Variants in CDH12 observed in about 807,000 individuals in gnomAD.
CDH12 encodes the protein cadherin-12.
Under a neutral mutation model 74.1 loss-of-function variants are expected in CDH12, and 41 were observed. The ratio of observed to expected loss-of-function variants is 0.55; its 90% CI spans 0.43 to 0.72. CDH12 has a LOEUF of 0.72. Among genes scored for constraint, CDH12 ranks in the 30% least tolerant of loss-of-function variants. The pLI, the probability that CDH12 is intolerant of heterozygous loss-of-function variation, is 0.00. For missense variants in CDH12, 945 were observed against 977.2 expected, an observed-to-expected ratio of 0.97 and a Z score of 0.44; for synonymous variants, 399 against 355.0, an observed-to-expected ratio of 1.12 and a Z score of -1.39.
At chr5:22,835,043 T>C (rs1736764833) in intron 1 of CDH12, among the ~76,000 whole-genome samples, 1 of 152,170 alleles carries the variant, frequency 6.6e-6, no homozygotes, top group Non-Finnish European at 1.5e-5. Flanking sequence ...TCTAATCTTG[T>C]AATAAATTTG....
chr5:21,938,083 A>G (rs1424637893), intron 6 of CDH12, among the ~76,000 whole-genome samples: 2 of 152,178 alleles, frequency 1.3e-5, no homozygotes, highest in East Asian at 3.9e-4. Context: ...CATGGAGGAA[A>G]AAAAGGATGG....
chr5:22,767,737 C>A lies in CDH12; in HGVS notation c.-523+85321G>T, dbSNP rs569458142. On this transcript the variant is annotated intron_variant, in intron 1 of 14. Coordinates refer to ENST00000382254, the MANE Select transcript of CDH12 (RefSeq NM_004061.5). ...TTAAACAAAATTATACCTACGAGTT[C>A]TTTCAAAATATATTGTTTAAAAGCA... Among the ~76,000 whole-genome samples, 50 of 151,968 alleles carry A rather than the reference C, an allele frequency of 3.3e-4. 1 individual carries two copies. Among genetic ancestry groups the A allele is most frequent in the African/African-American group, 1.2e-3 (49 of 41,526 alleles).
rs1303228097 is a variant in CDH12 at position 22,258,548 on chromosome 5, T to TA, written c.-332-45906dup. Among the ~76,000 whole-genome samples the TA allele has an allele frequency of 7.2e-3, 1,022 of 142,534 alleles. 11 individuals carry two copies. Among genetic ancestry groups the TA allele is most frequent in the African/African-American group, 0.023 (904 of 39,118 alleles). The allele number at this position is 142,534 out of a possible 152,430, so 93.5% of individuals were successfully genotyped here. A position where few individuals can be genotyped will look rare whatever the true frequency, so the allele number is the denominator to read the frequency against. On this transcript the variant is annotated intron_variant, in intron 3 of 14. Transcript: ENST00000382254. The stretch of plus-strand genomic sequence containing the variant: ...TCTGTTTTCATAAAATGTTAAAAGT[T>TA]AAAAAAAAAAAAAGTCCTAGGCCTT...
chr5:22,147,723 A>G (rs1227393972), intron 4 of CDH12, among the ~76,000 whole-genome samples: 2 of 152,050 alleles, frequency 1.3e-5, no homozygotes, highest in Non-Finnish European at 2.9e-5. Flanking sequence ...AGAAAGGGGA[A>G]ATCTCTTATA....
At chr5:22,030,952 G>GA (rs1416205982) in intron 5 of CDH12, among the ~76,000 whole-genome samples, 1 of 152,164 alleles carries the variant, frequency 6.6e-6, no homozygotes, top group East Asian at 1.9e-4. Flanking sequence ...CCTAGCTGCA[G>GA]ACTTTTTCTC....
intron 2 of CDH12, among the ~76,000 whole-genome samples, chr5:22,421,958 A>C (rs1486022608): frequency 6.6e-6 from 1 of 152,032 alleles, no homozygotes; most frequent in Non-Finnish European, 1.5e-5. Flanking sequence ...GCTTTTTTTC[A>C]TATGTTGGTT....
chr5:22,554,972 G>C (rs943366946), intron 1 of CDH12, among the ~76,000 whole-genome samples: 1 of 152,048 alleles, frequency 6.6e-6, no homozygotes, highest in African/African-American at 2.4e-5. Flanking sequence ...TTTACCCAAA[G>C]AGCATGAAGA....
chr5:22,546,204 A>G lies in CDH12; in HGVS notation c.-522-40840T>C, dbSNP rs1738320440. On this transcript the variant is annotated intron_variant, in intron 1 of 14. Transcript: ENST00000382254. ...CATGATCCACCTGCCTCGGCCTCCC[A>G]AAGTGCTGGGATTACAGGCATGAGC... 2.6e-5 allele frequency among the ~76,000 whole-genome samples: 4 copies of G among 152,128 alleles called. No individual in the cohort carries two copies. The South Asian group carries it at 8.3e-4, about 32-fold the overall frequency.
intron 5 of CDH12, among the ~76,000 whole-genome samples, chr5:21,995,338 T>G (rs1165284402): frequency 6.6e-6 from 1 of 151,694 alleles, no homozygotes; most frequent in Non-Finnish European, 1.5e-5. Context: ...ATCATGTAAA[T>G]TGATATGCAA....
chr5:21,903,039 G>A (rs1345618181), intron 6 of CDH12, among the ~76,000 whole-genome samples: 1 of 152,112 alleles, frequency 6.6e-6, no homozygotes, highest in Non-Finnish European at 1.5e-5. Flanking sequence ...GGCCAAGGCT[G>A]CTACTTAGAG....
chr5:22,078,740 C>G lies in CDH12; in HGVS notation c.-64G>C. ...AACACTTAACGTAGAATTGTGGAAT[C>G]CAGGTTTGAGGTGTCTGTGGCCTCC... On this transcript the variant is annotated 5_prime_UTR_variant, in exon 5 of 15. Coordinates refer to ENST00000382254, the MANE Select transcript of CDH12 (RefSeq NM_004061.5). The G allele has an allele frequency of 6.3e-7, 1 of 1,579,220 alleles. No homozygotes were observed. Among genetic ancestry groups the G allele is most frequent in the Non-Finnish European group, 8.6e-7 (1 of 1,162,430 alleles).
At chr5:22,564,666 T>C (rs967157840) in intron 1 of CDH12, among the ~76,000 whole-genome samples, 85 of 152,328 alleles carry the variant, frequency 5.6e-4, no homozygotes, top group African/African-American at 1.9e-3. Flanking sequence ...ATTACTTACA[T>C]AGATCTAATT....
intron 13 of CDH12, among the ~76,000 whole-genome samples, chr5:21,758,442 T>C (rs985744278): frequency 5.9e-5 from 9 of 152,182 alleles, no homozygotes; most frequent in African/African-American, 2.2e-4. Context: ...GATTCTATCA[T>C]CATCATCACC....
intron 2 of CDH12, among the ~76,000 whole-genome samples, chr5:22,475,153 C>T (rs1190355857): frequency 6.6e-6 from 1 of 151,402 alleles, no homozygotes; most frequent in East Asian, 1.9e-4. Flanking sequence ...AGAAGACCCT[C>T]ATCCTTGAAT....
At chr5:21,806,852 G>A (rs1561201125) in intron 9 of CDH12, among the ~76,000 whole-genome samples, 1 of 152,172 alleles carries the variant, frequency 6.6e-6, no homozygotes, top group African/African-American at 2.4e-5. Context: ...ATGGAATTTA[G>A]TTTATACTTT....
intron 1 of CDH12, among the ~76,000 whole-genome samples, chr5:22,747,915 A>T (rs988793620): frequency 2.0e-5 from 3 of 152,168 alleles, no homozygotes; most frequent in African/African-American, 7.2e-5. Context: ...TATTCTGGTA[A>T]TTCAAGAAAT....
At chr5:22,376,036 A>G (rs532873514) in intron 3 of CDH12, among the ~76,000 whole-genome samples, 1 of 152,354 alleles carries the variant, frequency 6.6e-6, no homozygotes, top group African/African-American at 2.4e-5. Flanking sequence ...ATTATTCACC[A>G]TTGCAAAAAA....
At chr5:22,057,770 T>C (rs1209464571) in intron 5 of CDH12, among the ~76,000 whole-genome samples, 1 of 152,002 alleles carries the variant, frequency 6.6e-6, no homozygotes, top group Non-Finnish European at 1.5e-5. Flanking sequence ...ACTCATAGAG[T>C]GTTTGCATAG....
intron 1 of CDH12, among the ~76,000 whole-genome samples, chr5:22,832,475 TAG>T (rs1318871699): frequency 6.6e-6 from 1 of 152,086 alleles, no homozygotes; most frequent in Non-Finnish European, 1.5e-5. Flanking sequence ...TTAAAATTAT[TAG>T]AGTGTTGATT....
Sources: allele counts gnomAD v4.1 joint callset (sites outside exome capture counted in the v4.1 genomes callset), GRCh38; gene constraint gnomAD v4.1.1; transcripts MANE v1.5; gene names NCBI Gene and HGNC (gene_info 2026-07-23, HGNC 2026-07-21).